The following TADA2A variants were observed in gnomAD, a reference collection of about 807,000 sequenced individuals.
TADA2A encodes the protein transcriptional adaptor 2A.
In TADA2A, 38 loss-of-function variants were observed where a neutral mutation model predicts 67.4. That is an observed-to-expected ratio of 0.56 (90% CI 0.44 to 0.74). TADA2A has a LOEUF of 0.74. Among genes scored for constraint, TADA2A ranks in the 30% least tolerant of loss-of-function variants. The probability of loss-of-function intolerance (pLI) is 0.00; values close to 1 mark genes in which losing one functional copy is unlikely to be tolerated. For synonymous variants in TADA2A, 192 were observed against 181.6 expected, an observed-to-expected ratio of 1.06 and a Z score of -0.46; for missense variants, 454 against 547.0, an observed-to-expected ratio of 0.83 and a Z score of 1.70.
chr17:37,424,066 T>A lies in TADA2A; in HGVS notation c.132+451T>A, dbSNP rs537812958. The stretch of plus-strand genomic sequence containing the variant: ...CCCGGCCCCAATTTTTCATTATACG[T>A]TTTACCAGTGAAAAGTTGAGAAACA... On this transcript the variant is annotated intron_variant, in intron 3 of 15. Coordinates refer to ENST00000615182, the MANE Select transcript of TADA2A (RefSeq NM_001166105.3). Among the ~76,000 whole-genome samples the A allele has an allele frequency of 2.6e-5, 4 of 152,114 alleles. No individual in the cohort carries two copies. In the East Asian group the frequency reaches 7.8e-4, roughly 29 times the overall value.
At chr17:37,418,201 T>A (rs972966172) in intron 2 of TADA2A, among the ~76,000 whole-genome samples, 4 of 152,224 alleles carry the variant, frequency 2.6e-5, no homozygotes, top group African/African-American at 7.2e-5. Flanking sequence ...CTTTGCTTTA[T>A]ATATAACATG....
Position 37,477,208 on chromosome 17 carries a change from A to G in TADA2A, c.*226A>G, listed in dbSNP as rs2053908194. On this transcript the variant is annotated 3_prime_UTR_variant, in exon 16 of 16. Coordinates refer to ENST00000615182, the MANE Select transcript of TADA2A (RefSeq NM_001166105.3). ...TGCAGAGTTGTGTGCTACATAAGCTATTATTAAATGTGAGTGGGCATTCAT... is the reference window on the plus strand; with the variant it reads ...TGCAGAGTTGTGTGCTACATAAGCTGTTATTAAATGTGAGTGGGCATTCAT... 2 of 453,508 alleles carry G rather than the reference A, an allele frequency of 4.4e-6. No individual in the cohort carries two copies. The highest frequency in any genetic ancestry group is 3.3e-5 in the East Asian group (1 of 30,760). 28.1% of individuals were successfully genotyped at this position (453,508 alleles called of 1,614,324 possible). A position where few individuals can be genotyped will look rare whatever the true frequency, so the allele number is the denominator to read the frequency against.
chr17:37,416,973 C>T (rs566651972), intron 2 of TADA2A, among the ~76,000 whole-genome samples: 1 of 152,038 alleles, frequency 6.6e-6, no homozygotes, highest in East Asian at 1.9e-4. Flanking sequence ...TTTGAAATAC[C>T]TTTTGAAGGA....
intron 4 of TADA2A, among the ~76,000 whole-genome samples, chr17:37,428,321 T>TAG (rs1214421854): frequency 6.6e-6 from 1 of 152,132 alleles, no homozygotes; most frequent in East Asian, 1.9e-4. Flanking sequence ...GGCCCTGGGG[T>TAG]AGAATCCACT....
intron 13 of TADA2A, 44 bp downstream of exon 13, chr17:37,470,576 G>A (rs1330476052): frequency 7.5e-6 from 11 of 1,475,324 alleles, no homozygotes; most frequent in African/African-American, 1.4e-5. Context: ...TTTCTGGGAT[G>A]CCTTGGCCTT....
At chr17:37,454,053 C>G (rs985726098) in intron 8 of TADA2A, 3 of 151,930 alleles carry the variant, frequency 2.0e-5, no homozygotes, top group Non-Finnish European at 4.4e-5. Flanking sequence ...GGATTAGAGG[C>G]GTGAGCCATC....
chr17:37,422,447 C>T (rs1300889152), intron 2 of TADA2A, among the ~76,000 whole-genome samples: 1 of 150,074 alleles, frequency 6.7e-6, no homozygotes, highest in Non-Finnish European at 1.5e-5. Context: ...TCCCAAAGTG[C>T]TGGGATTACA....
chr17:37,465,495 A>T lies in TADA2A; in HGVS notation c.777A>T (p.Arg259Ser). 1 of 1,614,134 alleles carries T rather than the reference A, an allele frequency of 6.2e-7. No homozygotes were observed. The highest frequency in any genetic ancestry group is 8.5e-7 in the Non-Finnish European group (1 of 1,180,020). Residue 259 changes from arginine to serine, a missense_variant, in exon 11 of 16, where the codon AGA becomes AGT. Around this residue, in one of 2 missense-constraint regions of TADA2A, gnomAD observed 403 missense variants for 455.5 expected, o/e 0.88. Coordinates refer to ENST00000615182, the MANE Select transcript of TADA2A (RefSeq NM_001166105.3). The stretch of plus-strand genomic sequence containing the variant: ...ATGAAACAATGAGGCGATTTGCAAG[A>T]ATTGTGGGGCCAGTGGAACATGACA... Reference protein sequence around the residue: ...DLYETMRRFARIVGPVEHDKF... With the variant: ...DLYETMRRFASIVGPVEHDKF...
intron 2 of TADA2A, among the ~76,000 whole-genome samples, chr17:37,420,456 G>A (rs982052691): frequency 7.1e-6 from 1 of 140,670 alleles, no homozygotes; most frequent in Admixed American, 7.3e-5. Context: ...GCAATGGCAC[G>A]ATCTCAGCTT....
At chr17:37,411,474 G>C in intron 2 of TADA2A, 84 bp downstream of exon 2, 2 of 1,319,288 alleles carry the variant, frequency 1.5e-6, no homozygotes, top group East Asian at 2.3e-5. Flanking sequence ...CCAGGCTGGG[G>C]TACAGTGGCA....
At chr17:37,434,967 C>T (rs1228435950) in intron 4 of TADA2A, among the ~76,000 whole-genome samples, 2 of 152,170 alleles carry the variant, frequency 1.3e-5, no homozygotes, top group Non-Finnish European at 2.9e-5. Context: ...TTCTTTGCTG[C>T]CAGGCACGGT....
intron 7 of TADA2A, among the ~76,000 whole-genome samples, chr17:37,443,826 A>G (rs963885699): frequency 6.6e-5 from 10 of 152,186 alleles, no homozygotes; most frequent in South Asian, 2.1e-4. Flanking sequence ...TATATCCACA[A>G]GTATATAAAG....
intron 10 of TADA2A, among the ~76,000 whole-genome samples, chr17:37,464,561 C>T (rs370212907): frequency 2.9e-4 from 43 of 150,000 alleles, no homozygotes; most frequent in African/African-American, 8.1e-4. Context: ...GTGAGGTGGC[C>T]GGGCGCGGTG....
chr17:37,435,358 G>A (rs776548888), intron 4 of TADA2A, among the ~76,000 whole-genome samples: 3 of 152,084 alleles, frequency 2.0e-5, no homozygotes, highest in Non-Finnish European at 4.4e-5. Context: ...GCGCCATCTC[G>A]GCTCACCGCA....
intron 12 of TADA2A, 144 bp from the exon 13 acceptor site, chr17:37,470,256 G>T: frequency 1.2e-6 from 1 of 859,396 alleles, no homozygotes. Context: ...ATCTACTTGG[G>T]TCTTGGAGAA....
intron 8 of TADA2A, among the ~76,000 whole-genome samples, chr17:37,456,508 T>C (rs1438115820): frequency 2.6e-5 from 4 of 152,028 alleles, no homozygotes; most frequent in African/African-American, 9.7e-5. Context: ...ATTTGAGAGA[T>C]GTAAGCGTTA....
chr17:37,423,549 C>T lies in TADA2A; in HGVS notation c.66C>T (p.Ser22=). 1 of 1,613,092 alleles carries T rather than the reference C, an allele frequency of 6.2e-7. No individual in the cohort carries two copies. The highest frequency in any genetic ancestry group is 8.5e-7 in the Non-Finnish European group (1 of 1,179,828). The change falls in exon 3 of 16, where the codon TCC becomes TCT. Residue 22 remains serine, a synonymous_variant. Transcript: ENST00000615182. ...SDKPPCRGCS[S]YLMEPYIKCA... ...AGCCACCTTGCCGAGGCTGCTCCTC[C>T]TACCTCATGGAGCCTTATATCAAGT...
intron 8 of TADA2A, among the ~76,000 whole-genome samples, chr17:37,456,759 A>G (rs2053404348): frequency 6.6e-6 from 1 of 152,170 alleles, no homozygotes; most frequent in African/African-American, 2.4e-5. Flanking sequence ...TGGTACTTGG[A>G]CCCATAGAAG....
At chr17:37,436,745 C>A (rs529937367) in intron 4 of TADA2A, among the ~76,000 whole-genome samples, 1 of 151,742 alleles carries the variant, frequency 6.6e-6, no homozygotes, top group African/African-American at 2.4e-5. Flanking sequence ...GGATAGATGT[C>A]TCTACCCTGT....
Sources: gnomAD v4.1 joint callset for allele counts (sites outside exome capture counted in the v4.1 genomes callset) on GRCh38, gnomAD v4.1.1 for gene constraint, gnomAD v4.1.1 regional missense constraint, MANE v1.5 for transcripts, NCBI Gene and HGNC (gene_info 2026-07-23, HGNC 2026-07-21) for gene names.